TSNARE1: variants seen among roughly 807,000 people sequenced by gnomAD.
TSNARE1 encodes t-SNARE domain containing 1.
A neutral mutation model predicts 62.0 loss-of-function variants in TSNARE1; 49 were observed. The observed-to-expected ratio is 0.79, with a 90% CI of 0.63 to 1.00. TSNARE1 has a LOEUF of 1.00. TSNARE1 is among the 50% of genes least tolerant of loss of function. The pLI, the probability that TSNARE1 is intolerant of heterozygous loss-of-function variation, is 0.00. For synonymous variants in TSNARE1, 328 were observed against 294.4 expected, an observed-to-expected ratio of 1.11 and a Z score of -1.17; for missense variants, 755 against 700.1, an observed-to-expected ratio of 1.08 and a Z score of -0.88.
At chr8:142,252,659 T>A (rs959043626) in intron 12 of TSNARE1, among the ~76,000 whole-genome samples, 4 of 152,192 alleles carry the variant, frequency 2.6e-5, no homozygotes, top group African/African-American at 9.7e-5. Flanking sequence ...TCAGGGCACT[T>A]CCAAGCATTT....
Position 142,395,571 on chromosome 8 carries a change from CA to C in TSNARE1, c.-40+7532del, listed in dbSNP as rs757853203. On this transcript the variant is annotated intron_variant, in intron 1 of 13. Transcript: ENST00000524325. ...TGGAGCTGCCAGGAAGATCTGTCGC[CA>C]GGGGGCGGCACCGCCGGATCTACCC... 2.4e-4 allele frequency among the ~76,000 whole-genome samples: 36 copies of C among 150,640 alleles called. 1 individual carries two copies. The highest frequency in any genetic ancestry group is 5.0e-4 in the Non-Finnish European group (34 of 67,576).
chr8:142,252,572 C>T (rs191410594), intron 12 of TSNARE1, among the ~76,000 whole-genome samples: 5 of 152,316 alleles, frequency 3.3e-5, no homozygotes, highest in Non-Finnish European at 5.9e-5. Flanking sequence ...AAGCTCCAGG[C>T]GAGGAAGAAA....
At chr8:142,238,714 T>TGCCCCTGCACACCC (rs1313321057) in intron 12 of TSNARE1, among the ~76,000 whole-genome samples, 1 of 101,400 alleles carries the variant, frequency 9.9e-6, no homozygotes, top group East Asian at 3.1e-4. Flanking sequence ...CATGCACACC[T>TGCCCCTGCACACCC]GCCCCTGCAC....
chr8:142,255,857 T>C (rs201812794), intron 12 of TSNARE1, among the ~76,000 whole-genome samples: 35 of 9,078 alleles, frequency 3.9e-3, no homozygotes, highest in African/African-American at 7.8e-3. Flanking sequence ...ACCACCACCA[T>C]CACCATCACC....
At chr8:142,292,485 G>A (rs1254543869) in intron 10 of TSNARE1, among the ~76,000 whole-genome samples, 2 of 152,180 alleles carry the variant, frequency 1.3e-5, no homozygotes. Flanking sequence ...TGTGGAGGTG[G>A]TGGGTGGCGG....
intron 9 of TSNARE1, among the ~76,000 whole-genome samples, chr8:142,301,502 C>T (rs1236985108): frequency 7.2e-6 from 1 of 138,964 alleles, no homozygotes; most frequent in South Asian, 2.5e-4. Flanking sequence ...CCCATGCCAG[C>T]GGGCCTTCCT....
chr8:142,254,202 C>T (rs1818316441), intron 12 of TSNARE1, among the ~76,000 whole-genome samples: 2 of 152,196 alleles, frequency 1.3e-5, no homozygotes, highest in Admixed American at 1.3e-4. Flanking sequence ...TATCTGTTTG[C>T]AGGAGGCAGG....
intron 1 of TSNARE1, among the ~76,000 whole-genome samples, chr8:142,357,544 G>A (rs1222284406): frequency 6.6e-6 from 1 of 152,204 alleles, no homozygotes; most frequent in African/African-American, 2.4e-5. Flanking sequence ...AGGAACCAGG[G>A]CCCGGGAGGG....
chr8:142,256,253 T>TCATCAC (rs1329856562), intron 12 of TSNARE1, among the ~76,000 whole-genome samples: 1 of 53,438 alleles, frequency 1.9e-5, no homozygotes, highest in African/African-American at 7.6e-5. Flanking sequence ...ACCATCACCA[T>TCATCAC]CATCACCATC....
rs1176803429 is a variant in TSNARE1 at position 142,319,294 on chromosome 8, C to G, written c.894-660G>C. On this transcript the variant is annotated intron_variant, in intron 6 of 13. Coordinates refer to ENST00000524325, the MANE Select transcript of TSNARE1 (RefSeq NM_145003.5). The surrounding 1 kb of genome is among the most constrained non-coding windows in gnomAD (Gnocchi z 4.9). Reference sequence around the variant, plus strand: ...GCAAGAGCGCCATGGCCCAGGGAGGCCAGCAGTCCCCACCCCCCTGCACAC... The same window carrying G: ...GCAAGAGCGCCATGGCCCAGGGAGGGCAGCAGTCCCCACCCCCCTGCACAC... Among the ~76,000 whole-genome samples, 2 of 151,984 alleles carry G rather than the reference C, an allele frequency of 1.3e-5. No individual in the cohort carries two copies. Among genetic ancestry groups the G allele is most frequent in the Admixed American group, 6.5e-5 (1 of 15,276 alleles).
rs1284854449 is a variant in TSNARE1 at position 142,223,276 on chromosome 8, T to TCACTCATTCATC, written c.*11+6196_*11+6197insGATGAATGAGTG. ...CTCATTCACTCACTCACTCATTCAG[T>TCACTCATTCATC]CACTCACTCATACTCACTCAACCAC... On this transcript the variant is annotated intron_variant, in intron 13 of 13. Transcript: ENST00000524325. 1.5e-4 allele frequency among the ~76,000 whole-genome samples: 2 copies of TCACTCATTCATC among 13,296 alleles called. 1 individual carries two copies. The highest frequency in any genetic ancestry group is 4.8e-4 in the African/African-American group (2 of 4,202). 8.7% of individuals were successfully genotyped at this position (13,296 alleles called of 152,430 possible).
intron 2 of TSNARE1, 53 bp from the exon 3 acceptor site, chr8:142,345,945 C>T: frequency 6.4e-7 from 1 of 1,574,082 alleles, no homozygotes; most frequent in Non-Finnish European, 8.7e-7. Flanking sequence ...GCGCTCCTGG[C>T]AGTGCCAGGC....
chr8:142,263,082 G>A (rs1188350013), intron 12 of TSNARE1, among the ~76,000 whole-genome samples: 1 of 152,116 alleles, frequency 6.6e-6, no homozygotes, highest in East Asian at 1.9e-4. Flanking sequence ...AGCCCAGCTA[G>A]CACCCTCGAC....
At chr8:142,243,931 T>TA (rs1817770017) in intron 12 of TSNARE1, among the ~76,000 whole-genome samples, 1 of 152,224 alleles carries the variant, frequency 6.6e-6, no homozygotes, top group Non-Finnish European at 1.5e-5. Context: ...CTCATGCCTG[T>TA]AATCCCAGCA....
chr8:142,276,065 C>A lies in TSNARE1; in HGVS notation c.1364-1202G>T, dbSNP rs895714588. ...CCTTGGTCACCAGCTCCACCCCACC[C>A]TTGCCCCCAGCGCAGGGCCCTAGTG... On this transcript the variant is annotated intron_variant, in intron 11 of 13. Coordinates refer to ENST00000524325, the MANE Select transcript of TSNARE1 (RefSeq NM_145003.5). The A allele has an allele frequency of 2.0e-6, 2 of 985,442 alleles. 1 individual carries two copies. Among genetic ancestry groups the A allele is most frequent in the African/African-American group, 3.5e-5 (2 of 57,362 alleles). The allele number at this position is 985,442 out of a possible 1,614,324, so 61.0% of individuals were successfully genotyped here.
intron 9 of TSNARE1, among the ~76,000 whole-genome samples, chr8:142,312,102 T>C (rs187082728): frequency 1.3e-5 from 2 of 152,374 alleles, no homozygotes; most frequent in African/African-American, 4.8e-5. Flanking sequence ...ATTGTACTTA[T>C]TGGATGAACA....
intron 1 of TSNARE1, among the ~76,000 whole-genome samples, chr8:142,399,149 G>A (rs1440273399): frequency 6.6e-6 from 1 of 152,252 alleles, no homozygotes; most frequent in Admixed American, 6.5e-5. Context: ...CACCTGGCTT[G>A]TCATTGTTGG....
chr8:142,256,328 TCTTTGC>T (rs1563782666), intron 12 of TSNARE1, among the ~76,000 whole-genome samples: 34 of 12,444 alleles, frequency 2.7e-3, no homozygotes, highest in Non-Finnish European at 3.1e-3. Context: ...ACCATCACCA[TCTTTGC>T]CACCATCATC....
chr8:142,245,508 T>A (rs1817849926), intron 12 of TSNARE1, among the ~76,000 whole-genome samples: 1 of 152,218 alleles, frequency 6.6e-6, no homozygotes, highest in Non-Finnish European at 1.5e-5. Context: ...TAGCTATGCA[T>A]AAGCACATGG....
Sources: gnomAD v4.1 joint callset for allele counts (sites outside exome capture counted in the v4.1 genomes callset) on GRCh38, gnomAD v4.1.1 for gene constraint, Gnocchi (gnomAD v3.1) non-coding constraint, MANE v1.5 for transcripts, NCBI Gene and HGNC (gene_info 2026-07-23, HGNC 2026-07-21) for gene names.